The following NETO1 variants were observed in gnomAD, a reference collection of about 807,000 sequenced individuals.
NETO1 encodes neuropilin and tolloid like 1.
Under a neutral mutation model 61.3 loss-of-function variants are expected in NETO1, and 26 were observed. The observed-to-expected ratio is 0.42, with a 90% confidence interval of 0.31 to 0.59. The LOEUF is 0.59. NETO1 is among the 20% of genes least tolerant of loss of function. NETO1 has a pLI of 0.12. For synonymous variants in NETO1, 225 were observed against 225.8 expected (o/e 1.00, Z 0.03); for missense variants, 531 against 662.8 (o/e 0.80, Z 2.18).
chr18:72,811,481 T>A (rs2072864784), intron 4 of NETO1, among the ~76,000 whole-genome samples: 1 of 152,164 alleles, frequency 6.6e-6, no homozygotes. Flanking sequence ...TTGCTACAAA[T>A]TAAATGATTA....
At chr18:72,759,041 T>C (rs1324740994) in intron 7 of NETO1, among the ~76,000 whole-genome samples, 1 of 152,206 alleles carries the variant, frequency 6.6e-6, no homozygotes, top group Non-Finnish European at 1.5e-5. Context: ...ATTTCTCTCC[T>C]GGTTAAGAAC....
chr18:72,807,989 T>A (rs1412379455), intron 4 of NETO1, among the ~76,000 whole-genome samples: 6 of 150,518 alleles, frequency 4.0e-5, no homozygotes, highest in Non-Finnish European at 7.5e-5. Flanking sequence ...TCCTGAGCCA[T>A]CTTTTTCACT....
intron 4 of NETO1, among the ~76,000 whole-genome samples, chr18:72,797,448 CAAAT>C (rs2072355277): frequency 6.6e-6 from 1 of 152,038 alleles, no homozygotes; most frequent in South Asian, 2.1e-4. Context: ...CAAAAACAAA[CAAAT>C]AAACAATATT....
intron 7 of NETO1, among the ~76,000 whole-genome samples, chr18:72,767,280 CA>C (rs2145159721): frequency 6.6e-6 from 1 of 152,216 alleles, no homozygotes; most frequent in African/African-American, 2.4e-5. Flanking sequence ...TTTTCAGGGG[CA>C]GACATAAACC....
intron 4 of NETO1, among the ~76,000 whole-genome samples, chr18:72,840,896 T>C (rs2073908990): frequency 6.6e-6 from 1 of 152,184 alleles, no homozygotes; most frequent in Non-Finnish European, 1.5e-5. Context: ...GATAGTTAAA[T>C]GTAAGGCTGT....
At chr18:72,820,390 A>AT (rs2073154436) in intron 4 of NETO1, among the ~76,000 whole-genome samples, 1 of 152,224 alleles carries the variant, frequency 6.6e-6, no homozygotes, top group African/African-American at 2.4e-5. Flanking sequence ...CAATGATGGA[A>AT]TATACAAGTG....
At chr18:72,826,362 A>G (rs2073373339) in intron 4 of NETO1, among the ~76,000 whole-genome samples, 1 of 152,150 alleles carries the variant, frequency 6.6e-6, no homozygotes, top group South Asian at 2.1e-4. Context: ...ACCCTCCTAC[A>G]TGTGTGTCTG....
At chr18:72,844,585 T>A (rs1390092987) in intron 4 of NETO1, among the ~76,000 whole-genome samples, 1 of 152,250 alleles carries the variant, frequency 6.6e-6, no homozygotes, top group Non-Finnish European at 1.5e-5. Context: ...GTCTACCAGA[T>A]ACGCATGAAC....
intron 8 of NETO1, among the ~76,000 whole-genome samples, chr18:72,753,602 T>G (rs2070694358): frequency 1.3e-5 from 2 of 152,154 alleles, no homozygotes; most frequent in Admixed American, 6.6e-5. Context: ...ATGAAAAAAT[T>G]GAACAGATAC....
intron 3 of NETO1, among the ~76,000 whole-genome samples, chr18:72,863,800 C>CTG (rs200750763): frequency 6.6e-5 from 10 of 151,476 alleles, no homozygotes; most frequent in African/African-American, 1.2e-4. Context: ...ACAGTCTTGC[C>CTG]TGTGTGTGTG....
intron 7 of NETO1, among the ~76,000 whole-genome samples, chr18:72,762,423 G>T (rs938022480): frequency 1.3e-5 from 2 of 152,114 alleles, no homozygotes; most frequent in Admixed American, 1.3e-4. Context: ...TGGCAGTGAT[G>T]ATTTCTAGGA....
At chr18:72,846,292 C>A (rs1323913889) in intron 4 of NETO1, among the ~76,000 whole-genome samples, 1 of 151,420 alleles carries the variant, frequency 6.6e-6, no homozygotes, top group African/African-American at 2.4e-5. Context: ...ATCACGAGGT[C>A]AGGAGTTCAA....
intron 7 of NETO1, among the ~76,000 whole-genome samples, chr18:72,757,224 C>T (rs992665000): frequency 1.3e-5 from 2 of 152,100 alleles, no homozygotes; most frequent in Non-Finnish European, 2.9e-5. Context: ...TATTTAGACA[C>T]TGCAGTCATG....
At chr18:72,769,829 T>C (rs555716376) in intron 7 of NETO1, among the ~76,000 whole-genome samples, 1 of 152,154 alleles carries the variant, frequency 6.6e-6, no homozygotes, top group South Asian at 2.1e-4. Context: ...TAATAAAGAG[T>C]ATATGTACAT....
chr18:72,772,679 T>C (rs925949246), intron 7 of NETO1, among the ~76,000 whole-genome samples: 3 of 150,778 alleles, frequency 2.0e-5, no homozygotes, highest in African/African-American at 7.3e-5. Flanking sequence ...AGACAGCCTT[T>C]CTTTCTCATG....
chr18:72,748,246 C>T (rs2070475653), intron 10 of NETO1, 82 bp from the exon 11 acceptor site: 3 of 980,788 alleles, frequency 3.1e-6, no homozygotes, highest in Non-Finnish European at 1.2e-6. Flanking sequence ...TAATATAGAG[C>T]ATGGAAATGC....
At chr18:72,812,045 G>T (rs930614534) in intron 4 of NETO1, among the ~76,000 whole-genome samples, 28 of 152,160 alleles carry the variant, frequency 1.8e-4, no homozygotes, top group African/African-American at 5.3e-4. Flanking sequence ...AACCGCAATT[G>T]TAAGTGTGAT....
chr18:72,823,580 G>A lies in NETO1; in HGVS notation c.470-29176C>T, dbSNP rs1007185218. 2.6e-5 allele frequency among the ~76,000 whole-genome samples: 4 copies of A among 152,268 alleles called. No individual in the cohort carries two copies. The South Asian group carries it at 8.3e-4, about 32-fold the overall frequency. ...GCCGCGGCCGTGTGAGAAGACGGGAGTTAAAAGGATGGAGGTGTGGGCAGG... is the reference window on the plus strand; with the variant it reads ...GCCGCGGCCGTGTGAGAAGACGGGAATTAAAAGGATGGAGGTGTGGGCAGG... On this transcript the variant is annotated intron_variant, in intron 4 of 10. Transcript: ENST00000327305.
Position 72,792,049 on chromosome 18 carries a change from G to A in NETO1, c.639+2068C>T, listed in dbSNP as rs115829001. On this transcript the variant is annotated intron_variant, in intron 6 of 10. Coordinates refer to ENST00000327305, the MANE Select transcript of NETO1 (RefSeq NM_138966.5). ...CTCTGAATCTCTGTAACTGAAAGCT[G>A]GGGGAAAGGTGCCACATTTCCACTT... 1.7e-3 allele frequency among the ~76,000 whole-genome samples: 266 copies of A among 152,302 alleles called. 1 individual carries two copies. Among genetic ancestry groups the A allele is most frequent in the African/African-American group, 6.3e-3 (263 of 41,574 alleles).
Sources: allele counts gnomAD v4.1 joint callset (sites outside exome capture counted in the v4.1 genomes callset), GRCh38; gene constraint gnomAD v4.1.1; transcripts MANE v1.5; gene names NCBI Gene and HGNC (gene_info 2026-07-23, HGNC 2026-07-21).